Variants in KPNA7 observed in about 807,000 individuals in gnomAD.
KPNA7 encodes the protein importin subunit alpha-8.
KPNA7 carries 54 observed loss-of-function variants against 53.7 expected under a neutral mutation model. The ratio of observed to expected loss-of-function variants is 1.01; its 90% confidence interval spans 0.81 to 1.26. The LOEUF (loss-of-function observed/expected upper bound fraction) is 1.26. KPNA7 is among the 50% of genes most tolerant of loss of function. KPNA7 has a pLI of 0.00. For synonymous variants in KPNA7, 276 were observed against 259.3 expected (o/e 1.06, Z -0.62); for missense variants, 640 against 644.5 (o/e 0.99, Z 0.07).
chr7:99,172,994 G>A (rs943349041), downstream of KPNA7, among the ~76,000 whole-genome samples: 4 of 145,814 alleles, frequency 2.7e-5, no homozygotes, highest in South Asian at 6.7e-4. Context: ...CCTGGGAGAC[G>A]GAGGTTGCAG....
intron 9 of KPNA7, among the ~76,000 whole-genome samples, chr7:99,178,378 G>A (rs1214468061): frequency 2.0e-5 from 3 of 152,016 alleles, no homozygotes; most frequent in African/African-American, 7.2e-5. Flanking sequence ...AGACCAGCCT[G>A]GCCAACATGG....
At chr7:99,150,294 C>T in the KPNA7 span, among the ~76,000 whole-genome samples, 1 of 152,062 alleles carries the variant, frequency 6.6e-6, no homozygotes, top group Non-Finnish European at 1.5e-5. Flanking sequence ...CAGGGTTTCA[C>T]TATGTTGGCC....
chr7:99,197,019 A>AC (rs1322867559), intron 3 of KPNA7, among the ~76,000 whole-genome samples: 1 of 141,906 alleles, frequency 7.0e-6, no homozygotes, highest in African/African-American at 2.9e-5. Flanking sequence ...CATATGCTTA[A>AC]AAACAACAAC....
intron 10 of KPNA7, among the ~76,000 whole-genome samples, chr7:99,174,847 G>A (rs1798843556): frequency 6.7e-6 from 1 of 148,602 alleles, no homozygotes; most frequent in African/African-American, 2.5e-5. Flanking sequence ...GTCTTACTCT[G>A]TCGCCCAGGC....
chr7:99,182,006 G>T lies in KPNA7; in HGVS notation c.1194C>A (p.Ala398=). ...VWMVANFATG[A]TMDQLIQLVH... ...CGAGCTGGATCAGCTGATCCATGGT[G>T]GCCCCTGTTGCAAAGTTCGCCACCA... The change falls in exon 9 of 11, where the codon GCC becomes GCA. Residue 398 remains alanine, a synonymous_variant. Coordinates refer to ENST00000327442, the MANE Select transcript of KPNA7 (RefSeq NM_001145715.3). The T allele has an allele frequency of 6.5e-7, 1 of 1,549,806 alleles. No individual in the cohort carries two copies. The highest frequency in any genetic ancestry group is 8.7e-7 in the Non-Finnish European group (1 of 1,145,516).
chr7:99,172,703 G>A (rs1212196534), downstream of KPNA7, among the ~76,000 whole-genome samples: 1 of 152,052 alleles, frequency 6.6e-6, no homozygotes, highest in Non-Finnish European at 1.5e-5. Context: ...AATTGCCAGA[G>A]GAAAGAAGGC....
At chr7:99,217,415 C>T (rs914650686) in intron 1 of KPNA7, among the ~76,000 whole-genome samples, 2 of 152,062 alleles carry the variant, frequency 1.3e-5, no homozygotes, top group Non-Finnish European at 2.9e-5. Context: ...ATGTTGGATT[C>T]GAGCTAGCGA....
chr7:99,147,184 A>G, the KPNA7 span, among the ~76,000 whole-genome samples: 3 of 152,340 alleles, frequency 2.0e-5, no homozygotes, highest in African/African-American at 7.2e-5. Context: ...GGGTCAGTTA[A>G]CTGGATGAAA....
intron 1 of KPNA7, among the ~76,000 whole-genome samples, chr7:99,218,663 C>T (rs1360192266): frequency 6.6e-6 from 1 of 152,228 alleles, no homozygotes; most frequent in African/African-American, 2.4e-5. Context: ...AGCACAGTGT[C>T]TCTAAAGACA....
At chr7:99,154,135 T>G in the KPNA7 span, among the ~76,000 whole-genome samples, 1 of 127,842 alleles carries the variant, frequency 7.8e-6, no homozygotes, top group Non-Finnish European at 1.6e-5. Flanking sequence ...GCTCACACAC[T>G]TTTTTTTTTT....
In KPNA7 at chr7:99,173,647, T is replaced by A. The variant is rs887734258; in HGVS notation, c.*61A>T. The stretch of plus-strand genomic sequence containing the variant: ...GGGTTACACTAAGATAGAGGACTGC[T>A]GCTTCTTAAAGAAGTTATCCTTTAG... On this transcript the variant is annotated 3_prime_UTR_variant, in exon 11 of 11. Transcript: ENST00000327442. 9 of 1,062,344 alleles carry A rather than the reference T, an allele frequency of 8.5e-6. No individual in the cohort carries two copies. The highest frequency in any genetic ancestry group is 1.3e-5 in the Non-Finnish European group (9 of 713,350). The allele number at this position is 1,062,344 out of a possible 1,614,324, so 65.8% of individuals were successfully genotyped here.
chr7:99,183,251 C>T (rs1048072806), intron 8 of KPNA7, among the ~76,000 whole-genome samples: 1 of 147,196 alleles, frequency 6.8e-6, no homozygotes, highest in African/African-American at 2.6e-5. Flanking sequence ...GACTCCATCT[C>T]CAATAATAAT....
chr7:99,200,858 C>G (rs1790491913), intron 3 of KPNA7, among the ~76,000 whole-genome samples: 1 of 152,062 alleles, frequency 6.6e-6, no homozygotes, highest in Non-Finnish European at 1.5e-5. Context: ...ATCCTAGCTA[C>G]TCGGGAGGCT....
At chr7:99,181,079 G>C (rs570588955) in intron 9 of KPNA7, among the ~76,000 whole-genome samples, 4 of 56,130 alleles carry the variant, frequency 7.1e-5, no homozygotes, top group South Asian at 8.0e-4. Context: ...CTCCATCTGT[G>C]TCTCTCTCTC....
chr7:99,212,700 A>T (rs1791107598), upstream of KPNA7, among the ~76,000 whole-genome samples: 1 of 152,052 alleles, frequency 6.6e-6, no homozygotes, highest in Non-Finnish European at 1.5e-5. Flanking sequence ...GACCAGCCTC[A>T]GCAAAATGGT....
At chr7:99,159,008 G>A in the KPNA7 span, among the ~76,000 whole-genome samples, 1 of 151,936 alleles carries the variant, frequency 6.6e-6, no homozygotes, top group African/African-American at 2.4e-5. Flanking sequence ...GGGACTACAG[G>A]TGCACACCAC....
chr7:99,173,188 T>C (rs970307953), downstream of KPNA7, among the ~76,000 whole-genome samples: 14 of 152,120 alleles, frequency 9.2e-5, no homozygotes, highest in African/African-American at 3.4e-4. Context: ...AAATGTTCTT[T>C]ATTTTTTATT....
At chr7:99,209,264 C>T (rs1790977247), upstream of KPNA7, among the ~76,000 whole-genome samples, 1 of 152,066 alleles carries the variant, frequency 6.6e-6, no homozygotes, top group Non-Finnish European at 1.5e-5. Context: ...AAACCCCACA[C>T]CCAATGCACC....
intron 6 of KPNA7, 27 bp downstream of exon 6, chr7:99,192,992 A>G (rs1790033425): frequency 1.4e-6 from 2 of 1,446,904 alleles, no homozygotes; most frequent in East Asian, 2.5e-5. Context: ...TTTAAAAAAA[A>G]AAAAAGAGAA....
Sources: allele counts gnomAD v4.1 joint callset (sites outside exome capture counted in the v4.1 genomes callset), GRCh38; gene constraint gnomAD v4.1.1; transcripts MANE v1.5; gene names NCBI Gene and HGNC (gene_info 2026-07-23, HGNC 2026-07-21).